CATSPER3: variants seen among roughly 807,000 people sequenced by gnomAD.
The protein encoded by CATSPER3 is cation channel sperm-associated protein 3.
Under a neutral mutation model 36.6 loss-of-function variants are expected in CATSPER3, and 23 were observed. That is an observed-to-expected ratio of 0.63 (90% CI 0.45 to 0.89). The LOEUF (loss-of-function observed/expected upper bound fraction) is 0.89, where lower values mean the gene tolerates loss of function less well. Among genes scored for constraint, CATSPER3 ranks in the 40% least tolerant of loss-of-function variants. The probability of loss-of-function intolerance (pLI) is 0.00; values close to 1 mark genes in which losing one functional copy is unlikely to be tolerated. For synonymous variants in CATSPER3, 172 were observed against 184.1 expected, an observed-to-expected ratio of 0.93 and a Z score of 0.53; for missense variants, 474 against 503.9, an observed-to-expected ratio of 0.94 and a Z score of 0.57.
At chr5:134,980,208 C>T (rs1416264861) in intron 2 of CATSPER3, among the ~76,000 whole-genome samples, 1 of 152,028 alleles carries the variant, frequency 6.6e-6, no homozygotes, top group Admixed American at 6.6e-5. Flanking sequence ...CCTTGAACTC[C>T]TGGCCTCAAG....
chr5:134,981,890 G>A (rs1408538674), intron 2 of CATSPER3, among the ~76,000 whole-genome samples: 1 of 152,200 alleles, frequency 6.6e-6, no homozygotes, highest in African/African-American at 2.4e-5. Flanking sequence ...GGCAATTTGG[G>A]AGGCTGAGGT....
chr5:134,979,747 G>A (rs572470801), intron 2 of CATSPER3, among the ~76,000 whole-genome samples: 1 of 152,170 alleles, frequency 6.6e-6, no homozygotes, highest in South Asian at 2.1e-4. Flanking sequence ...GCCCAAGGCA[G>A]GACGAATGTT....
chr5:134,973,069 A>G (rs528931899), intron 2 of CATSPER3, among the ~76,000 whole-genome samples: 1 of 152,332 alleles, frequency 6.6e-6, no homozygotes, highest in South Asian at 2.1e-4. Context: ...GACATAGACA[A>G]ATTCATCAAT....
intron 2 of CATSPER3, among the ~76,000 whole-genome samples, chr5:134,994,576 CAT>C (rs750633929): frequency 7.2e-5 from 11 of 152,200 alleles, no homozygotes; most frequent in Admixed American, 2.6e-4. Flanking sequence ...ATACTTTAGA[CAT>C]GTGTACAATA....
chr5:135,007,513 TC>T (rs1444460827), intron 3 of CATSPER3, among the ~76,000 whole-genome samples: 1 of 152,142 alleles, frequency 6.6e-6, no homozygotes, highest in Non-Finnish European at 1.5e-5. Context: ...GGAGCCACAT[TC>T]CTCTCGGCCT....
rs373454830 is a variant in CATSPER3, at chr5:134,968,009, C to T, written c.18C>T (p.His6=). The change falls in exon 1 of 8, where the codon CAC becomes CAT. Residue 6 remains histidine (H), a synonymous_variant. Coordinates refer to ENST00000282611, the MANE Select transcript of CATSPER3 (RefSeq NM_178019.3). MSQHR[H]QRHSRVISSS... Reference sequence around the variant, plus strand: ...TTTGGAAAATGTCTCAACACCGTCACCAGCGCCACTCGAGAGTCATTTCTA... The same window carrying T: ...TTTGGAAAATGTCTCAACACCGTCATCAGCGCCACTCGAGAGTCATTTCTA... The T allele has an allele frequency of 1.9e-5, 31 of 1,613,846 alleles. No individual in the cohort carries two copies. The African/African-American group carries it at 2.5e-4, about 13-fold the overall frequency.
rs1397698698 is a variant in CATSPER3, at chr5:134,976,468, C to T, written c.252+6376C>T. On this transcript the variant is annotated intron_variant, in intron 2 of 7. Transcript: ENST00000282611. ...GCTCCCGGGGCCTTGGGAAGCTCCA[C>T]CCCAGTGGCTTTGCACAGTGCACTC... Among the ~76,000 whole-genome samples, 10 of 152,340 alleles carry T rather than the reference C, an allele frequency of 6.6e-5. No individual in the cohort carries two copies. In the East Asian group the frequency reaches 1.7e-3, roughly 26 times the overall value.
chr5:134,996,089 G>A (rs184019320), intron 2 of CATSPER3, among the ~76,000 whole-genome samples, 184 bp from the exon 3 acceptor site: 91 of 152,310 alleles, frequency 6.0e-4, no homozygotes, highest in Non-Finnish European at 1.0e-3. Flanking sequence ...GGGGTAGGGA[G>A]GACAGAGAAG....
intron 2 of CATSPER3, among the ~76,000 whole-genome samples, chr5:134,982,700 GT>G (rs1751764512): frequency 6.6e-6 from 1 of 152,158 alleles, no homozygotes; most frequent in East Asian, 1.9e-4. Flanking sequence ...GATAAAAGTT[GT>G]TTTGTAGGTG....
chr5:135,010,425 C>A lies in CATSPER3; in HGVS notation c.989C>A (p.Thr330Asn), dbSNP rs1752166597. 1 of 1,613,812 alleles carries A rather than the reference C, an allele frequency of 6.2e-7. No individual in the cohort carries two copies. The highest frequency in any genetic ancestry group is 8.5e-7 in the Non-Finnish European group (1 of 1,179,772). Residue 330 changes from threonine (T) to asparagine (N), a missense_variant, in exon 7 of 8, where the codon ACC becomes AAC. Coordinates refer to ENST00000282611, the MANE Select transcript of CATSPER3 (RefSeq NM_178019.3). ...GAGCTGGTGGAGAACTTTAAGAAGACCTTGAGCCACACTGACCCAATGGTC... is the reference window on the plus strand; with the variant it reads ...GAGCTGGTGGAGAACTTTAAGAAGAACTTGAGCCACACTGACCCAATGGTC... ...FSELVENFKK[T>N]LSHTDPMVLD...
chr5:135,004,492 A>G (rs993296575), intron 3 of CATSPER3, among the ~76,000 whole-genome samples: 5 of 152,176 alleles, frequency 3.3e-5, no homozygotes, highest in African/African-American at 1.2e-4. Context: ...AGGCAGGTGG[A>G]CGGGAAAGAA....
At chr5:135,005,053 C>A (rs1320225596) in intron 3 of CATSPER3, among the ~76,000 whole-genome samples, 1 of 152,062 alleles carries the variant, frequency 6.6e-6, no homozygotes, top group African/African-American at 2.4e-5. Context: ...AGACCCAGGA[C>A]CACACAGGGA....
At chr5:134,987,371 A>G (rs186354622) in intron 2 of CATSPER3, among the ~76,000 whole-genome samples, 1 of 152,194 alleles carries the variant, frequency 6.6e-6, no homozygotes, top group South Asian at 2.1e-4. Context: ...AAATCTCAGG[A>G]CCAGGTAGTT....
chr5:134,971,295 C>A (rs1751603736), intron 2 of CATSPER3, among the ~76,000 whole-genome samples: 1 of 151,958 alleles, frequency 6.6e-6, no homozygotes, highest in Non-Finnish European at 1.5e-5. Flanking sequence ...GTGGTGCATA[C>A]CTTGAGTCCC....
At chr5:135,002,437 A>T (rs1250346729) in intron 3 of CATSPER3, among the ~76,000 whole-genome samples, 1 of 152,016 alleles carries the variant, frequency 6.6e-6, no homozygotes, top group Non-Finnish European at 1.5e-5. Context: ...GACAATTATG[A>T]GTCTTGGAGT....
intron 2 of CATSPER3, among the ~76,000 whole-genome samples, chr5:134,990,872 T>G (rs1751871024): frequency 6.6e-6 from 1 of 152,222 alleles, no homozygotes; most frequent in Non-Finnish European, 1.5e-5. Context: ...TATACTCACA[T>G]ACACACAAGA....
In CATSPER3 at chr5:135,009,016, C is replaced by A. The variant is rs112278352; in HGVS notation, c.816+35C>A. The A allele has an allele frequency of 0.01, 16,918 of 1,613,576 alleles. 1,421 individuals are homozygous for A. The African/African-American group carries it at 0.19, about 18-fold the overall frequency. ...CACCTGTGAGGATCGGAGGTCAGGG[C>A]AGGTGTGGCAGATGGAGCTGTAGGG... On this transcript the variant is annotated intron_variant, in intron 5 of 7. Transcript: ENST00000282611.
At chr5:134,978,775 A>G (rs1448895668) in intron 2 of CATSPER3, among the ~76,000 whole-genome samples, 2 of 150,376 alleles carry the variant, frequency 1.3e-5, no homozygotes, top group African/African-American at 4.9e-5. Context: ...GTTGGAGTGC[A>G]GTGGGGCCAT....
At chr5:134,999,830 A>G (rs1303590239) in intron 3 of CATSPER3, among the ~76,000 whole-genome samples, 7 of 152,088 alleles carry the variant, frequency 4.6e-5, no homozygotes, top group Non-Finnish European at 1.0e-4. Context: ...GGGTTTTCTA[A>G]ATATACAATC....
Sources: gnomAD v4.1 joint callset for allele counts (sites outside exome capture counted in the v4.1 genomes callset) on GRCh38, gnomAD v4.1.1 for gene constraint, MANE v1.5 for transcripts, NCBI Gene and HGNC (gene_info 2026-07-23, HGNC 2026-07-21) for gene names.